PIP4K2A: variants seen among roughly 807,000 people sequenced by gnomAD.
PIP4K2A encodes the protein phosphatidylinositol-5-phosphate 4-kinase type 2 alpha.
Under a neutral mutation model 42.9 loss-of-function variants are expected in PIP4K2A, and 14 were observed. The observed-to-expected ratio is 0.33, with a 90% CI of 0.22 to 0.51. The LOEUF (loss-of-function observed/expected upper bound fraction) is 0.51, where lower values mean the gene tolerates loss of function less well. Among genes scored for constraint, PIP4K2A ranks in the 20% least tolerant of loss-of-function variants. The pLI, the probability that PIP4K2A is intolerant of heterozygous loss-of-function variation, is 0.97. For synonymous variants in PIP4K2A, 192 were observed against 192.2 expected, an observed-to-expected ratio of 1.00 and a Z score of 0.01; for missense variants, 434 against 519.8, an observed-to-expected ratio of 0.83 and a Z score of 1.61.
At chr10:22,668,587 G>C (rs1839393695) in intron 1 of PIP4K2A, among the ~76,000 whole-genome samples, 1 of 152,124 alleles carries the variant, frequency 6.6e-6, no homozygotes, top group Admixed American at 6.6e-5. Flanking sequence ...TCATTATTTG[G>C]AACTCAGAAT....
chr10:22,573,885 T>G (rs779599098), intron 4 of PIP4K2A, among the ~76,000 whole-genome samples: 42 of 152,202 alleles, frequency 2.8e-4, no homozygotes, highest in Admixed American at 6.5e-5. Flanking sequence ...AGTGTTGAAG[T>G]CGAGATGAAA....
intron 1 of PIP4K2A, among the ~76,000 whole-genome samples, chr10:22,668,010 G>A (rs1392767027): frequency 2.6e-5 from 4 of 151,994 alleles, no homozygotes; most frequent in Admixed American, 2.6e-4. Flanking sequence ...GGACTGTAAT[G>A]GCATGGTCTC....
At chr10:22,678,150 ATC>A (rs1839594053) in intron 1 of PIP4K2A, among the ~76,000 whole-genome samples, 1 of 152,132 alleles carries the variant, frequency 6.6e-6, no homozygotes, top group East Asian at 1.9e-4. Context: ...TAAAAAAAAA[ATC>A]TCTATTTTGT....
intron 3 of PIP4K2A, among the ~76,000 whole-genome samples, chr10:22,606,313 G>GA (rs201206073): frequency 8.5e-4 from 129 of 151,082 alleles, no homozygotes; most frequent in Non-Finnish European, 1.2e-3. Flanking sequence ...CTTGTATCAA[G>GA]AAAAAAAAAG....
intron 8 of PIP4K2A, 35 bp from the exon 9 acceptor site, chr10:22,540,109 G>T: frequency 1.0e-6 from 1 of 996,308 alleles, no homozygotes; most frequent in Non-Finnish European, 1.6e-6. Flanking sequence ...TGTGGGACAT[G>T]TGACAACACC....
chr10:22,567,488 G>T, intron 6 of PIP4K2A: 2 of 458,874 alleles, frequency 4.4e-6, no homozygotes, highest in Non-Finnish European at 8.3e-6. Context: ...GTTTGATATC[G>T]GTGAAGCAGT....
chr10:22,617,967 A>G (rs1361693315), intron 1 of PIP4K2A, among the ~76,000 whole-genome samples: 2 of 152,218 alleles, frequency 1.3e-5, no homozygotes, highest in African/African-American at 2.4e-5. Context: ...AGGGTTCAAG[A>G]TCAATGAGGG....
rs1564459769 is a variant in PIP4K2A, at chr10:22,664,066, TATATATATACGTATATATATATAC to T, written c.144+50093_144+50116del. ...ATATATACATATGTATATATACATA[TATATATATACGTATATATATATAC>T]ATATATATATATACATATATATATA... On this transcript the variant is annotated intron_variant, in intron 1 of 9. Coordinates refer to ENST00000376573, the MANE Select transcript of PIP4K2A (RefSeq NM_005028.5). Among the ~76,000 whole-genome samples the T allele has an allele frequency of 4.4e-4, 38 of 85,628 alleles. 1 individual carries two copies. The highest frequency in any genetic ancestry group is 2.9e-3 in the African/African-American group (38 of 13,250). 56.2% of individuals were successfully genotyped at this position (85,628 alleles called of 152,430 possible). A position where few individuals can be genotyped will look rare whatever the true frequency, so the allele number is the denominator to read the frequency against.
At chr10:22,664,178 TATAC>T (rs1297341369) in intron 1 of PIP4K2A, among the ~76,000 whole-genome samples, 15 of 75,916 alleles carry the variant, frequency 2.0e-4, no homozygotes, top group Admixed American at 3.3e-4. Flanking sequence ...CATATATATA[TATAC>T]ATATATATAC....
chr10:22,591,499 T>C, intron 4 of PIP4K2A, 130 bp downstream of exon 4: 1 of 698,692 alleles, frequency 1.4e-6, no homozygotes, highest in South Asian at 2.2e-5. Context: ...AACACAGGGT[T>C]AGAGGAGATG....
chr10:22,542,111 A>G, intron 7 of PIP4K2A, 64 bp from the exon 8 acceptor site: 3 of 1,465,228 alleles, frequency 2.0e-6, no homozygotes, highest in Admixed American at 4.0e-5. Context: ...CATTTAAAGG[A>G]GACAAGCTCG....
intron 1 of PIP4K2A, among the ~76,000 whole-genome samples, chr10:22,622,055 A>T (rs1273632883): frequency 6.6e-6 from 1 of 152,176 alleles, no homozygotes; most frequent in Non-Finnish European, 1.5e-5. Flanking sequence ...CTCTGCTAAG[A>T]TGACAGTAAA....
At chr10:22,613,332 A>T (rs1838098614) in intron 1 of PIP4K2A, among the ~76,000 whole-genome samples, 1 of 152,032 alleles carries the variant, frequency 6.6e-6, no homozygotes, top group African/African-American at 2.4e-5. Flanking sequence ...AAGAGGGATG[A>T]GGGACAGAGG....
chr10:22,559,526 CCT>C (rs1588625334), intron 6 of PIP4K2A, among the ~76,000 whole-genome samples: 1 of 152,130 alleles, frequency 6.6e-6, no homozygotes, highest in South Asian at 2.1e-4. Context: ...TGCATGTGAT[CCT>C]CTCTTTTTGT....
intron 1 of PIP4K2A, among the ~76,000 whole-genome samples, chr10:22,700,810 T>G (rs1362648570): frequency 1.3e-5 from 2 of 152,244 alleles, no homozygotes; most frequent in African/African-American, 4.8e-5. Context: ...AACTAAGCTC[T>G]GAATGTTAGG....
At chr10:22,667,149 C>T (rs966937902) in intron 1 of PIP4K2A, among the ~76,000 whole-genome samples, 4 of 152,154 alleles carry the variant, frequency 2.6e-5, no homozygotes, top group Non-Finnish European at 5.9e-5. Context: ...ATGTAAAATG[C>T]CTTATTTTGC....
At chr10:22,643,779 T>G (rs1479712547) in intron 1 of PIP4K2A, among the ~76,000 whole-genome samples, 1 of 151,982 alleles carries the variant, frequency 6.6e-6, no homozygotes, top group African/African-American at 2.4e-5. Context: ...ATGGGGTAGG[T>G]GCCTTGTGCT....
chr10:22,664,077 G>GTATATATATATACATATATATATATACA (rs1564459823), intron 1 of PIP4K2A, among the ~76,000 whole-genome samples: 3 of 37,764 alleles, frequency 7.9e-5, no homozygotes, highest in Non-Finnish European at 1.4e-4. Flanking sequence ...ATATATATAC[G>GTATATATATATACATATATATATATACA]TATATATATA....
chr10:22,612,929 G>A lies in PIP4K2A; in HGVS notation c.145-3212C>T, dbSNP rs551809216. Among the ~76,000 whole-genome samples the A allele has an allele frequency of 3.3e-5, 5 of 152,248 alleles. No individual in the cohort carries two copies. In the South Asian group the frequency reaches 1.0e-3, roughly 32 times the overall value. ...CATCAGACATTAGCTCCCCAGAGGA[G>A]TGGATGAGGTAACCTGGAGAGGGGC... On this transcript the variant is annotated intron_variant, in intron 1 of 9. Coordinates refer to ENST00000376573, the MANE Select transcript of PIP4K2A (RefSeq NM_005028.5).
Sources: allele counts gnomAD v4.1 joint callset (sites outside exome capture counted in the v4.1 genomes callset), GRCh38; gene constraint gnomAD v4.1.1; transcripts MANE v1.5; gene names NCBI Gene and HGNC (gene_info 2026-07-23, HGNC 2026-07-21).